MYOM3: variants seen among roughly 807,000 people sequenced by gnomAD.
The protein encoded by MYOM3 is myomesin-3.
A neutral mutation model predicts 191.7 loss-of-function variants in MYOM3; 155 were observed. That is an observed-to-expected ratio of 0.81 (90% CI 0.71 to 0.92). The LOEUF (loss-of-function observed/expected upper bound fraction) is 0.92. Among genes scored for constraint, MYOM3 ranks in the 40% least tolerant of loss-of-function variants. The pLI, the probability that MYOM3 is intolerant of heterozygous loss-of-function variation, is 0.00. For synonymous variants in MYOM3, 757 were observed against 762.9 expected (o/e 0.99, Z 0.13); for missense variants, 1,889 against 1,890.6 (o/e 1.00, Z 0.02).
chr1:24,081,601 C>T (rs557944613), intron 18 of MYOM3, 145 bp from the exon 19 acceptor site: 44 of 988,194 alleles, frequency 4.5e-5, no homozygotes, highest in Middle Eastern at 3.3e-4. Flanking sequence ...CTCACTTTGT[C>T]ACCCAGGCTG....
At chr1:24,106,705 C>T (rs1038466633) in intron 4 of MYOM3, among the ~76,000 whole-genome samples, 2 of 152,146 alleles carry the variant, frequency 1.3e-5, no homozygotes, top group Admixed American at 1.3e-4. Flanking sequence ...GCCTCAGCCT[C>T]CCGAGTAGCT....
In MYOM3 at chr1:24,058,965, C is replaced by T; in HGVS notation, c.4009G>A (p.Val1337Met). 6.2e-7 allele frequency: 1 copy of T among 1,612,112 alleles called. No homozygotes were observed. Residue 1337 changes from valine (V) to methionine (M), a missense_variant, in exon 36 of 37, where the codon GTG (valine) becomes ATG (methionine). Physicochemically the swap from Val to Met is conservative, Grantham distance 21. Transcript: ENST00000374434. The stretch of plus-strand genomic sequence containing the variant: ...GTGGCCACATCCGGCAGACCTCTCA[C>T]CACTTTGGCACGATCTGGAAGGGAA... Reference protein sequence around the residue: ...AIIEKNRAKVVRGLPDVATIM... With the variant: ...AIIEKNRAKVMRGLPDVATIM...
At position 24,057,538 on chromosome 1, in the gene MYOM3, T is replaced by A. The variant is rs755466147; in HGVS notation, c.4140A>T (p.Arg1380=). ...CTGTCCCCCTCACTTCCATGCGGTA[T>A]CGGTCAAGGAAGGTGACAGGCTGGT... ...KNDQPVTFLD[R]YRMEVRGTEV... is the part of the protein sequence containing the mutation. Residue 1380 remains arginine, a synonymous_variant, in exon 37 of 37, where the codon CGA becomes CGT. Transcript: ENST00000374434. 2 of 1,614,210 alleles carry A rather than the reference T, an allele frequency of 1.2e-6. No individual in the cohort carries two copies. Among genetic ancestry groups the A allele is most frequent in the Non-Finnish European group, 1.7e-6 (2 of 1,180,028 alleles).
rs775676195 is a variant in MYOM3, at chr1:24,075,433, A to G, written c.2744T>C (p.Ile915Thr). The G allele has an allele frequency of 1.7e-5, 27 of 1,605,566 alleles. No homozygotes were observed. The highest frequency in any genetic ancestry group is 2.7e-5 in the African/African-American group (2 of 74,222). The change falls in exon 22 of 37, where the codon ATC becomes ACC. Residue 915 changes from isoleucine to threonine, a missense_variant. Ile to Thr is a moderately conservative substitution (Grantham distance 89). Transcript: ENST00000374434. ...TTCAGGGGCTTCAAAAGCCAAATAG[A>G]TAAAGCCCTCTTCATCCACACCAAC... is the stretch of plus-strand genomic sequence containing the variant. ...IEVGVDEEGF[I>T]YLAFEAPEAP...
At position 24,057,490 on chromosome 1, in the gene MYOM3, C is replaced by T. The variant is rs1441047399; in HGVS notation, c.4188G>A (p.Lys1396=). Residue 1396 remains lysine (K), a synonymous_variant, in exon 37 of 37, where the codon AAG becomes AAA. Coordinates refer to ENST00000374434, the MANE Select transcript of MYOM3 (RefSeq NM_152372.4). ...RGTEVTITIE[K]VNSEDSGRYG... Reference sequence around the variant, plus strand: ...AGCGGCCGCTGTCTTCACTGTTGACCTTCTCAATGGTGATGGTGACCTCTG... The same window carrying T: ...AGCGGCCGCTGTCTTCACTGTTGACTTTCTCAATGGTGATGGTGACCTCTG... 2.5e-6 allele frequency: 4 copies of T among 1,614,232 alleles called. No homozygotes were observed. The highest frequency in any genetic ancestry group is 3.4e-6 in the Non-Finnish European group (4 of 1,180,038).
intron 27 of MYOM3, among the ~76,000 whole-genome samples, chr1:24,067,456 CTTCT>C (rs201516438): frequency 2.7e-5 from 3 of 110,348 alleles, no homozygotes; most frequent in African/African-American, 3.6e-5. Flanking sequence ...TGTTTCCTTC[CTTCT>C]TTCTTTCTTT....
intron 35 of MYOM3, among the ~76,000 whole-genome samples, chr1:24,060,764 T>G (rs143827411): frequency 6.6e-6 from 1 of 152,208 alleles, no homozygotes; most frequent in East Asian, 1.9e-4. Context: ...CACAGATCAC[T>G]CGGGAAGGCC....
intron 5 of MYOM3, among the ~76,000 whole-genome samples, chr1:24,105,474 C>T (rs1643974316): frequency 6.6e-6 from 1 of 152,264 alleles, no homozygotes. Flanking sequence ...CCGTCATCCT[C>T]AACCCTGGAG....
chr1:24,068,953 G>A (rs1460545346), intron 25 of MYOM3, among the ~76,000 whole-genome samples: 1 of 151,924 alleles, frequency 6.6e-6, no homozygotes, highest in East Asian at 1.9e-4. Context: ...CGAACTCCTG[G>A]CCTCAAGTGA....
chr1:24,069,283 C>T (rs1643493085), intron 25 of MYOM3, among the ~76,000 whole-genome samples: 1 of 152,212 alleles, frequency 6.6e-6, no homozygotes, highest in African/African-American at 2.4e-5. Flanking sequence ...CCACTGAATA[C>T]TAATGAGTCC....
At chr1:24,090,719 G>A (rs867489985) in intron 12 of MYOM3, 78 bp downstream of exon 12, 1 of 1,460,904 alleles carries the variant, frequency 6.8e-7, no homozygotes, top group Non-Finnish European at 9.5e-7. Context: ...CTGAGGGCTG[G>A]ATTGTCTCCT....
In MYOM3 at chr1:24,084,581, G is replaced by T. The variant is rs189927798; in HGVS notation, c.1857C>A (p.Ser619=). ...QAFRDTQTSV[S]LTWDPVKDPE... ...GGTCTTTCACAGGATCCCATGTCAG[G>T]GAGACAGAGGTCTGTGTGTCTCTGA... The change falls in exon 16 of 37, where the codon TCC becomes TCA. Residue 619 remains serine (S), a synonymous_variant. Transcript: ENST00000374434. 2.2e-4 allele frequency: 357 copies of T among 1,614,066 alleles called. No individual in the cohort carries two copies. In the African/African-American group the frequency reaches 3.8e-3, roughly 17 times the overall value.
At position 24,105,397 on chromosome 1, in the gene MYOM3, T is replaced by C. The variant is rs1013689390; in HGVS notation, c.560+523A>G. Among the ~76,000 whole-genome samples, 37 of 152,152 alleles carry C rather than the reference T, an allele frequency of 2.4e-4. 1 individual carries two copies. Among genetic ancestry groups the C allele is most frequent in the Admixed American group, 2.2e-3 (33 of 15,274 alleles). ...CGTGAGCTCCTTCTCCGTAGGCCCT[T>C]CCCTTCCCATCTTCTCCCTGCCCCA... On this transcript the variant is annotated intron_variant, in intron 5 of 36. Transcript: ENST00000374434.
At chr1:24,097,134 A>G (rs1468158426) in intron 7 of MYOM3, among the ~76,000 whole-genome samples, 2 of 152,182 alleles carry the variant, frequency 1.3e-5, no homozygotes, top group African/African-American at 2.4e-5. Context: ...GCCCAGCTGG[A>G]AAATGTGCAA....
At chr1:24,084,816 A>G (rs1643716109) in intron 15 of MYOM3, among the ~76,000 whole-genome samples, 177 bp from the exon 16 acceptor site, 4 of 152,068 alleles carry the variant, frequency 2.6e-5, no homozygotes, top group Admixed American at 6.5e-5. Flanking sequence ...AGTGTATCCT[A>G]AAAGTCCTCT....
rs981962783 is a variant in MYOM3, at chr1:24,063,831, G to A, written c.3622+241C>T. On this transcript the variant is annotated intron_variant, in intron 30 of 36. Coordinates refer to ENST00000374434, the MANE Select transcript of MYOM3 (RefSeq NM_152372.4). The surrounding 1 kb of genome is among the most constrained non-coding windows in gnomAD (Gnocchi z 4.5). ...ACTGTGGGACGGAGGAGTGAACTCA[G>A]GCTTCGGGTCTCCAAGCCTGGGCTC... Among the ~76,000 whole-genome samples the A allele has an allele frequency of 3.9e-5, 6 of 152,156 alleles. No homozygotes were observed. The East Asian group carries it at 1.2e-3, about 29-fold the overall frequency.
chr1:24,060,231 C>T (rs748325617), intron 35 of MYOM3, among the ~76,000 whole-genome samples: 10 of 152,272 alleles, frequency 6.6e-5, no homozygotes, highest in Middle Eastern at 3.4e-3. Flanking sequence ...CTCCCTCCAC[C>T]GAGGCGCCCC....
chr1:24,079,756 C>T (rs1365886207), intron 20 of MYOM3, among the ~76,000 whole-genome samples: 1 of 152,186 alleles, frequency 6.6e-6, no homozygotes, highest in Admixed American at 6.5e-5. Context: ...AAGGGATATA[C>T]ATGTGCAAAT....
chr1:24,108,400 TAGGCTGGGCCTCCCTCCTC>T, intron 2 of MYOM3, 57 bp downstream of exon 2: 1 of 1,403,898 alleles, frequency 7.1e-7, no homozygotes, highest in Non-Finnish European at 9.4e-7. Flanking sequence ...TCCAGAGGGC[TAGGCTGGGCCTCCCTCCTC>T]AGACTGGGGG....
Sources: gnomAD v4.1 joint callset for allele counts (sites outside exome capture counted in the v4.1 genomes callset) on GRCh38, gnomAD v4.1.1 for gene constraint, Gnocchi (gnomAD v3.1) non-coding constraint, MANE v1.5 for transcripts, NCBI Gene and HGNC (gene_info 2026-07-23, HGNC 2026-07-21) for gene names.